ROBO1: variants seen among roughly 807,000 people sequenced by gnomAD.
The protein encoded by ROBO1 is roundabout guidance receptor 1, also known as roundabout homolog 1.
In ROBO1, 149 loss-of-function variants were observed where a neutral mutation model predicts 195.9. That is an observed-to-expected ratio of 0.76 (90% CI 0.67 to 0.87). ROBO1 has a LOEUF of 0.87. ROBO1 is among the 40% of genes least tolerant of loss of function. The pLI, the probability that ROBO1 is intolerant of heterozygous loss-of-function variation, is 0.00. For synonymous variants in ROBO1, 816 were observed against 733.2 expected (o/e 1.11, Z -1.82); for missense variants, 1,933 against 2,068.3 (o/e 0.93, Z 1.27).
intron 1 of ROBO1, among the ~76,000 whole-genome samples, chr3:79,748,817 T>G (rs897230045): frequency 6.6e-6 from 1 of 152,162 alleles, no homozygotes; most frequent in African/African-American, 2.4e-5. Flanking sequence ...CCACCATGAT[T>G]GTGAGACTTC....
rs555832325 is a variant in ROBO1 at position 79,360,270 on chromosome 3, G to A, written c.88+229554C>T. ...CATTTTTTAACTTTCATAAATGGAA[G>A]TTATGAACAAATCTCAAATGATGAT... On this transcript the variant is annotated intron_variant, in intron 2 of 30. Transcript: ENST00000464233. 2.6e-5 allele frequency among the ~76,000 whole-genome samples: 4 copies of A among 151,994 alleles called. No homozygotes were observed. The South Asian group carries it at 6.2e-4, about 24-fold the overall frequency.
chr3:78,901,445 T>G (rs1364018385), intron 4 of ROBO1, among the ~76,000 whole-genome samples: 1 of 152,154 alleles, frequency 6.6e-6, no homozygotes, highest in African/African-American at 2.4e-5. Context: ...ACATTTTACT[T>G]TAAAATATAG....
intron 2 of ROBO1, among the ~76,000 whole-genome samples, chr3:79,136,258 G>T (rs1211923910): frequency 2.6e-5 from 4 of 151,898 alleles, no homozygotes; most frequent in Admixed American, 6.6e-5. Flanking sequence ...TTTTAAATTG[G>T]GTTTGCAATC....
chr3:78,656,854 G>A (rs1707058612), intron 18 of ROBO1, among the ~76,000 whole-genome samples: 1 of 152,112 alleles, frequency 6.6e-6, no homozygotes, highest in Non-Finnish European at 1.5e-5. Context: ...ATATGTTCAA[G>A]TTTAGTTGAG....
chr3:78,654,931 T>C (rs1706904266), intron 18 of ROBO1, among the ~76,000 whole-genome samples: 1 of 152,176 alleles, frequency 6.6e-6, no homozygotes, highest in African/African-American at 2.4e-5. Context: ...AATATTGAAA[T>C]TTAATAAAAT....
intron 2 of ROBO1, among the ~76,000 whole-genome samples, chr3:79,432,240 T>TAATA (rs2038708617): frequency 6.6e-6 from 1 of 152,074 alleles, no homozygotes; most frequent in Non-Finnish European, 1.5e-5. Context: ...GACCCAGGTA[T>TAATA]AATAGCAAGA....
intron 2 of ROBO1, among the ~76,000 whole-genome samples, chr3:79,293,453 T>A (rs1355410005): frequency 6.6e-6 from 1 of 152,194 alleles, no homozygotes; most frequent in Non-Finnish European, 1.5e-5. Flanking sequence ...CTTCTCTAGT[T>A]CTTTTAATTG....
chr3:78,674,569 C>T (rs547265385), intron 10 of ROBO1, among the ~76,000 whole-genome samples: 18 of 152,296 alleles, frequency 1.2e-4, no homozygotes, highest in Admixed American at 6.5e-4. Flanking sequence ...CACCTTAAAA[C>T]GCCCAGAGTT....
intron 1 of ROBO1, among the ~76,000 whole-genome samples, chr3:79,759,740 C>T (rs919379963): frequency 6.6e-6 from 1 of 152,160 alleles, no homozygotes; most frequent in African/African-American, 2.4e-5. Flanking sequence ...TGTGATGATT[C>T]AGTGAGATGA....
In ROBO1 at chr3:79,623,081, A is replaced by T. The variant is rs925908076; in HGVS notation, c.-50-33120T>A. ...GGAATCTGCAGCAGCCCTGCAGAAG[A>T]GGGACCTGACCATTGAAAGAAAAAC... On this transcript the variant is annotated intron_variant, in intron 1 of 30. Coordinates refer to ENST00000464233, the MANE Select transcript of ROBO1 (RefSeq NM_002941.4). Among the ~76,000 whole-genome samples, 6 of 152,208 alleles carry T rather than the reference A, an allele frequency of 3.9e-5. No homozygotes were observed. In the East Asian group the frequency reaches 1.2e-3, roughly 29 times the overall value.
At chr3:79,740,553 T>C (rs1168700566) in intron 1 of ROBO1, among the ~76,000 whole-genome samples, 2 of 152,104 alleles carry the variant, frequency 1.3e-5, no homozygotes, top group Middle Eastern at 3.2e-3. Context: ...CTTCACAGGG[T>C]GGCAGGACTG....
chr3:79,151,653 G>T (rs576167645), intron 2 of ROBO1, among the ~76,000 whole-genome samples: 21 of 151,828 alleles, frequency 1.4e-4, no homozygotes, highest in African/African-American at 5.1e-4. Context: ...AGAATAAAAT[G>T]AAATTTTCTT....
intron 4 of ROBO1, among the ~76,000 whole-genome samples, chr3:78,884,860 CTCTT>C (rs1346380821): frequency 1.1e-5 from 1 of 88,104 alleles, no homozygotes; most frequent in Non-Finnish European, 2.1e-5. Context: ...CTCTCTCTCT[CTCTT>C]TCTGTGTGTG....
chr3:78,942,949 T>C (rs1219195163), intron 3 of ROBO1, among the ~76,000 whole-genome samples: 1 of 151,238 alleles, frequency 6.6e-6, no homozygotes, highest in Non-Finnish European at 1.5e-5. Flanking sequence ...GTGCGGTGGG[T>C]CACGCCTGTA....
intron 3 of ROBO1, chr3:79,019,499 C>G: frequency 1.0e-6 from 1 of 986,186 alleles, no homozygotes; most frequent in East Asian, 1.1e-4. Context: ...GCTCCCAGTT[C>G]CCTCCCTCTC....
At chr3:79,009,720 GA>G (rs1309939044) in intron 3 of ROBO1, among the ~76,000 whole-genome samples, 1 of 152,176 alleles carries the variant, frequency 6.6e-6, no homozygotes, top group Non-Finnish European at 1.5e-5. Flanking sequence ...TGTCATTGGA[GA>G]AGAACACACC....
chr3:79,630,396 G>A (rs1945303089), intron 1 of ROBO1, among the ~76,000 whole-genome samples: 1 of 151,968 alleles, frequency 6.6e-6, no homozygotes, highest in Non-Finnish European at 1.5e-5. Context: ...AAAGCCATAT[G>A]ATCATCTCGA....
chr3:79,273,920 G>T (rs575639786), intron 2 of ROBO1, among the ~76,000 whole-genome samples: 1 of 151,986 alleles, frequency 6.6e-6, no homozygotes, highest in Middle Eastern at 3.4e-3. Flanking sequence ...AGACAAAGAA[G>T]ATCATTATCT....
At chr3:79,701,061 C>T (rs2107159111) in intron 1 of ROBO1, among the ~76,000 whole-genome samples, 1 of 151,902 alleles carries the variant, frequency 6.6e-6, no homozygotes, top group South Asian at 2.1e-4. Context: ...TTTATCCCAT[C>T]ACCATTTATC....
Sources: allele counts gnomAD v4.1 joint callset (sites outside exome capture counted in the v4.1 genomes callset), GRCh38; gene constraint gnomAD v4.1.1; transcripts MANE v1.5; gene names NCBI Gene and HGNC (gene_info 2026-07-23, HGNC 2026-07-21).